XRCC3: variants seen among roughly 807,000 people sequenced by gnomAD.
XRCC3 encodes DNA repair protein XRCC3.
In XRCC3, 34 loss-of-function variants were observed where a neutral mutation model predicts 29.2. That is an observed-to-expected ratio of 1.16 (90% CI 0.88 to 1.55). The LOEUF (loss-of-function observed/expected upper bound fraction) is 1.55, where lower values mean the gene tolerates loss of function less well. Among genes scored for constraint, XRCC3 ranks in the 40% most tolerant of loss-of-function variants. XRCC3 has a pLI of 0.00. For synonymous variants in XRCC3, 223 were observed against 211.3 expected (o/e 1.06, Z -0.48); for missense variants, 463 against 467.6 (o/e 0.99, Z 0.09).
intron 4 of XRCC3, 155 bp downstream of exon 4, chr14:103,710,877 CA>C: frequency 1.4e-6 from 1 of 702,462 alleles, no homozygotes; most frequent in East Asian, 2.7e-5. Flanking sequence ...CACACACACA[CA>C]CACACCTGAA....
In XRCC3 at chr14:103,699,143, CG is replaced by C. The variant is rs1567048113; in HGVS notation, c.810del (p.His270GlnfsTer17). On this transcript the variant is annotated frameshift_variant, in exon 9 of 10. Coordinates refer to ENST00000555055, the MANE Select transcript of XRCC3 (RefSeq NM_005432.4). LOFTEE classifies it low-confidence loss of function (END_TRUNC). ...CATGGCTGCACTCACCCCAGCGGCC[CG>C]TGTGCTGCGCCCTGCTCCTCCATGG... Reference protein sequence around the residue: ...TEAMEEQGAAHGPLGFWDERV... With the variant: ...TEAMEEQGAAXGPLGFWDERV... 6.4e-7 allele frequency: 1 copy of C among 1,572,138 alleles called. No homozygotes were observed. The highest frequency in any genetic ancestry group is 8.6e-7 in the Non-Finnish European group (1 of 1,160,968).
intron 7 of XRCC3, chr14:103,700,233 GCT>G (rs1353340336): frequency 4.9e-6 from 1 of 203,446 alleles, no homozygotes; most frequent in African/African-American, 2.4e-5. Context: ...TTAGCCCTGT[GCT>G]CTGAGCTGGC....
Position 103,714,939 on chromosome 14 carries a change from C to G in XRCC3, c.-318+485G>C, listed in dbSNP as rs527413933. Among the ~76,000 whole-genome samples, 8 of 152,374 alleles carry G rather than the reference C, an allele frequency of 5.3e-5. No homozygotes were observed. The East Asian group carries it at 1.3e-3, about 26-fold the overall frequency. ...GACCTCGTGATCCGCCCGCCTCGGCCTCCCAAAGTGCTCGGATTACAGGCG... is the reference window on the plus strand; with the variant it reads ...GACCTCGTGATCCGCCCGCCTCGGCGTCCCAAAGTGCTCGGATTACAGGCG... On this transcript the variant is annotated intron_variant, in intron 1 of 9. Coordinates refer to ENST00000555055, the MANE Select transcript of XRCC3 (RefSeq NM_005432.4).
At chr14:103,707,552 G>A (rs532350773) in intron 5 of XRCC3, 1 of 437,078 alleles carries the variant, frequency 2.3e-6, no homozygotes, top group Non-Finnish European at 4.3e-6. Context: ...GAAGAAAAAG[G>A]CACAGCTCTG....
At chr14:103,710,478 T>C (rs11622220) in intron 4 of XRCC3, 7,784 of 152,812 alleles carry the variant, frequency 0.051, 293 homozygotes, top group Middle Eastern at 0.092. Context: ...CGGTGGCTCA[T>C]GCCTGTAATC....
intron 5 of XRCC3, chr14:103,707,486 C>T (rs3212054): frequency 3.1e-5 from 17 of 545,310 alleles, no homozygotes; most frequent in Admixed American, 1.2e-4. Flanking sequence ...CAGCACCAGA[C>T]GCCTTCAGCC....
intron 6 of XRCC3, chr14:103,706,666 T>C (rs574243526): frequency 1.4e-4 from 58 of 415,252 alleles, no homozygotes; most frequent in African/African-American, 1.1e-3. Flanking sequence ...CCTCCCTGCG[T>C]TGCTGGCTCT....
At chr14:103,700,647 A>C in intron 7 of XRCC3, 1 of 1,605,058 alleles carries the variant, frequency 6.2e-7, no homozygotes, top group Non-Finnish European at 8.5e-7. Flanking sequence ...TCTGTGCTTC[A>C]TCTCCAGGGC....
In XRCC3 at chr14:103,707,042, C is replaced by A; in HGVS notation, c.367G>T (p.Ala123Ser). 1.3e-6 allele frequency: 2 copies of A among 1,567,406 alleles called. No individual in the cohort carries two copies. Among genetic ancestry groups the A allele is most frequent in the Middle Eastern group, 1.7e-4 (1 of 5,736 alleles). ...KTQLALQLCL[A>S]VQFPRQHGGL... ...CCGTGCTGCCGCGGGAACTGCACAG[C>A]CAGGCAGAGCTGCAGCGCCAGCTGG... Residue 123 changes from alanine (A) to serine (S), a missense_variant, in exon 6 of 10, where the codon GCT becomes TCT. Coordinates refer to ENST00000555055, the MANE Select transcript of XRCC3 (RefSeq NM_005432.4).
intron 6 of XRCC3, chr14:103,706,259 C>T (rs2083432242): frequency 2.2e-6 from 1 of 453,502 alleles, no homozygotes; most frequent in Middle Eastern, 3.4e-4. Flanking sequence ...GCAGGTCAGG[C>T]CCGTGAGGAG....
At chr14:103,699,663 C>T in intron 7 of XRCC3, 87 bp from the exon 8 acceptor site, 2 of 1,380,638 alleles carry the variant, frequency 1.4e-6, no homozygotes, top group Middle Eastern at 1.8e-4. Context: ...ACTCGACCGT[C>T]TGAAAACCTT....
chr14:103,699,616 T>TCC (rs779960012), intron 7 of XRCC3, 40 bp from the exon 8 acceptor site: 1 of 1,604,834 alleles, frequency 6.2e-7, no homozygotes, highest in South Asian at 1.1e-5. Flanking sequence ...GGTCAGCAAG[T>TCC]CCCCGCCCCA....
At chr14:103,700,224 T>TAG (rs2083039884) in intron 7 of XRCC3, 1 of 202,424 alleles carries the variant, frequency 4.9e-6, no homozygotes. Flanking sequence ...ATCCAGGCCT[T>TAG]AGCCCTGTGC....
At chr14:103,703,576 TC>T in intron 6 of XRCC3, 2 of 530,878 alleles carry the variant, frequency 3.8e-6, no homozygotes, top group Non-Finnish European at 6.8e-6. Flanking sequence ...GGCAAGGACT[TC>T]CCCTGTCCTG....
Position 103,711,043 on chromosome 14 carries a change from T to G in XRCC3, c.45A>C (p.Ala15=). Residue 15 remains alanine (A), a synonymous_variant, in exon 4 of 10, where the codon GCA becomes GCC. Transcript: ENST00000555055. ...LLDLNPRIIA[A]IKKAKLKSVK... The stretch of plus-strand genomic sequence containing the variant: ...TAGAAATAAATGTACCTTTCTTAAT[T>G]GCAGCAATAATTCTGGGATTCAGGT... 6.2e-7 allele frequency: 1 copy of G among 1,614,196 alleles called. No homozygotes were observed. Among genetic ancestry groups the G allele is most frequent in the Non-Finnish European group, 8.5e-7 (1 of 1,180,038 alleles).
Position 103,711,522 on chromosome 14 carries a change from C to T in XRCC3, c.-215G>A, listed in dbSNP as rs924080677. On this transcript the variant is annotated 5_prime_UTR_variant, in exon 3 of 10. Coordinates refer to ENST00000555055, the MANE Select transcript of XRCC3 (RefSeq NM_005432.4). ...TTTGGCTGACTTGACTGAGGCATCT[C>T]TTGCACTCTGCAGTTTAATTTCCCT... is the stretch of plus-strand genomic sequence containing the variant. The T allele has an allele frequency of 6.5e-6, 3 of 463,214 alleles. No homozygotes were observed. Among genetic ancestry groups the T allele is most frequent in the Admixed American group, 2.3e-5 (1 of 42,752 alleles). The allele number at this position is 463,214 out of a possible 1,614,324, so 28.7% of individuals were successfully genotyped here.
chr14:103,700,150 GA>G (rs1158909960), intron 7 of XRCC3: 1 of 202,544 alleles, frequency 4.9e-6, no homozygotes, highest in African/African-American at 2.3e-5. Context: ...CACTCTGGGA[GA>G]CCACCTGGGG....
At chr14:103,700,545 C>T (rs901251139) in intron 7 of XRCC3, 7 of 870,088 alleles carry the variant, frequency 8.0e-6, no homozygotes, top group South Asian at 3.0e-5. Flanking sequence ...CTAGGCTGTC[C>T]CTCAAGTCCA....
rs372383657 is a variant in XRCC3, at chr14:103,707,188, C to T, written c.221G>A (p.Arg74Gln). Residue 74 changes from arginine to glutamine, a missense_variant, in exon 6 of 10, where the codon CGG (arginine) becomes CAG (glutamine). By Grantham distance (43) the Arg-to-Gln change is conservative. Coordinates refer to ENST00000555055, the MANE Select transcript of XRCC3 (RefSeq NM_005432.4). ...TALQLHQQKE[R>Q]FPTQHQRLSL... ...CAGGCGCTGGTGCTGCGTGGGGAAC[C>T]GCTCCTTCTGCTGGTGCAGCTGCAG... 122 of 1,548,938 alleles carry T rather than the reference C, an allele frequency of 7.9e-5. No individual in the cohort carries two copies. Among genetic ancestry groups the T allele is most frequent in the Middle Eastern group, 4.0e-4 (2 of 5,044 alleles).
Sources: allele counts gnomAD v4.1 joint callset (sites outside exome capture counted in the v4.1 genomes callset), GRCh38; gene constraint gnomAD v4.1.1; transcripts MANE v1.5; gene names NCBI Gene and HGNC (gene_info 2026-07-23, HGNC 2026-07-21).